NT5C1B: variants seen among roughly 807,000 people sequenced by gnomAD.
NT5C1B encodes the protein cytosolic 5'-nucleotidase 1B.
In NT5C1B, 44 loss-of-function variants were observed where a neutral mutation model predicts 57.8. The observed-to-expected ratio is 0.76, with a 90% CI of 0.60 to 0.98. NT5C1B has a LOEUF of 0.98. NT5C1B is among the 50% of genes least tolerant of loss of function. NT5C1B has a pLI of 0.00. For synonymous variants in NT5C1B, 284 were observed against 282.6 expected, an observed-to-expected ratio of 1.00 and a Z score of -0.05; for missense variants, 742 against 719.5, an observed-to-expected ratio of 1.03 and a Z score of -0.36.
chr2:18,583,146 A>G, intron 5 of NT5C1B, 149 bp from the exon 6 acceptor site: 2 of 1,077,108 alleles, frequency 1.9e-6, no homozygotes, highest in Non-Finnish European at 2.5e-6. Context: ...GATTTATCCC[A>G]TGCATTTCTG....
intron 8 of NT5C1B, among the ~76,000 whole-genome samples, chr2:18,571,137 C>T (rs1665113515): frequency 6.6e-6 from 1 of 152,164 alleles, no homozygotes. Flanking sequence ...AGGGTGTCCA[C>T]CCTCATCACT....
Position 18,587,528 on chromosome 2 carries a change from T to A in NT5C1B, c.95A>T (p.Lys32Ile). Residue 32 changes from lysine (K) to isoleucine (I), a missense_variant, in exon 2 of 9, where the codon AAA (lysine) becomes ATA (isoleucine). Physicochemically the swap from Lys to Ile is moderately radical, Grantham distance 102. Coordinates refer to ENST00000304081, the Ensembl canonical transcript of NT5C1B. The stretch of plus-strand genomic sequence containing the variant: ...CTGATTGCTCAGACGAACTCCTGTT[T>A]TGTCAGATTCCTTTCTTTTTTCTGC... 3 of 1,614,024 alleles carry A rather than the reference T, an allele frequency of 1.9e-6. No homozygotes were observed. The South Asian group carries it at 3.3e-5, about 18-fold the overall frequency.
intron 8 of NT5C1B, among the ~76,000 whole-genome samples, chr2:18,568,723 A>G (rs1264048718): frequency 1.3e-5 from 2 of 152,188 alleles, no homozygotes; most frequent in African/African-American, 4.8e-5. Context: ...AGTCACCCCT[A>G]TGCTCACTGA....
intron 6 of NT5C1B, among the ~76,000 whole-genome samples, chr2:18,581,856 C>T (rs1341294638): frequency 1.3e-5 from 2 of 152,164 alleles, no homozygotes; most frequent in Admixed American, 6.5e-5. Context: ...ACTAACTCTT[C>T]TGGGTCAAAA....
At position 18,584,829 on chromosome 2, in the gene NT5C1B, G is replaced by A. The variant is rs1572378745; in HGVS notation, c.408C>T (p.Pro136=). The stretch of plus-strand genomic sequence containing the variant: ...GCCGGGAGCCAGGATCGGGCTCTGG[G>A]GGCGTGGGAGGCCGCGAGTCCAGCG... The change falls in exon 4 of 9, where the codon CCC becomes CCT. Residue 136 remains proline, a synonymous_variant. Coordinates refer to ENST00000304081, the Ensembl canonical transcript of NT5C1B. This position sits in a 1 kb window ranked among gnomAD's most constrained non-coding sequence, Gnocchi z 5.8. 6.2e-7 allele frequency: 1 copy of A among 1,611,524 alleles called. No homozygotes were observed.
rs114828778 is a variant in NT5C1B, at chr2:18,583,670, C to A, written c.891+418G>T. 1.8e-3 allele frequency: 644 copies of A among 364,410 alleles called. 4 individuals are homozygous for A. The highest frequency in any genetic ancestry group is 0.013 in the African/African-American group (598 of 47,068). 22.6% of individuals were successfully genotyped at this position (364,410 alleles called of 1,614,324 possible). ...TACCTTCTCTATTAAAGTCACACTCCTAAGTGCCAAGGGCATCTTTATTTT... is the reference window on the plus strand; with the variant it reads ...TACCTTCTCTATTAAAGTCACACTCATAAGTGCCAAGGGCATCTTTATTTT... On this transcript the variant is annotated intron_variant, in intron 5 of 8. Transcript: ENST00000304081.
At chr2:18,579,359 TG>T (rs1665980640) in intron 6 of NT5C1B, among the ~76,000 whole-genome samples, 1 of 152,208 alleles carries the variant, frequency 6.6e-6, no homozygotes, top group East Asian at 1.9e-4. Context: ...AGAACAAAGC[TG>T]GAAGTATTAT....
Position 18,584,658 on chromosome 2 carries a change from G to A in NT5C1B, c.579C>T (p.Tyr193=). The A allele has an allele frequency of 6.2e-7, 1 of 1,613,158 alleles. No individual in the cohort carries two copies. Among genetic ancestry groups the A allele is most frequent in the South Asian group, 1.1e-5 (1 of 90,928 alleles). Reference sequence around the variant, plus strand: ...TGCGGTCCAGCTGGGTGGAGGCGGGGTAGATCCCCCTGCGCTGGCTGGAGG... The same window carrying A: ...TGCGGTCCAGCTGGGTGGAGGCGGGATAGATCCCCCTGCGCTGGCTGGAGG... Residue 193 remains tyrosine, a synonymous_variant, in exon 4 of 9, where the codon TAC becomes TAT. Coordinates refer to ENST00000304081, the Ensembl canonical transcript of NT5C1B. This position sits in a 1 kb window ranked among gnomAD's most constrained non-coding sequence, Gnocchi z 5.8.
chr2:18,579,661 A>G (rs1300034677), intron 6 of NT5C1B, among the ~76,000 whole-genome samples: 1 of 152,160 alleles, frequency 6.6e-6, no homozygotes, highest in African/African-American at 2.4e-5. Context: ...AAAGACTTAA[A>G]CATAAAACTC....
chr2:18,576,086 GAAT>G, intron 8 of NT5C1B, 95 bp downstream of exon 8: 1 of 1,308,774 alleles, frequency 7.6e-7, no homozygotes, highest in Non-Finnish European at 1.0e-6. Flanking sequence ...GCCCTGCCTA[GAAT>G]AACTTAAACA....
chr2:18,584,496 G>A lies in NT5C1B; in HGVS notation c.723+18C>T. On this transcript the variant is annotated intron_variant, in intron 4 of 8. Coordinates refer to ENST00000304081, the Ensembl canonical transcript of NT5C1B. The surrounding 1 kb of genome is among the most constrained non-coding windows in gnomAD (Gnocchi z 5.8). ...AAGGAAGGGCGCCCCGGCTGCCAGG[G>A]GCGGCGGGCTGGCTCACCGGCCAGG... The A allele has an allele frequency of 6.2e-7, 1 of 1,601,782 alleles. No individual in the cohort carries two copies. Among genetic ancestry groups the A allele is most frequent in the Non-Finnish European group, 8.5e-7 (1 of 1,174,962 alleles).
rs1404578635 is a variant in NT5C1B at position 18,584,231 on chromosome 2, T to C, written c.748A>G (p.Ile250Val). 6 of 1,613,874 alleles carry C rather than the reference T, an allele frequency of 3.7e-6. No homozygotes were observed. Among genetic ancestry groups the C allele is most frequent in the Non-Finnish European group, 5.1e-6 (6 of 1,179,926 alleles). ...AAGAGCGCGCAGGATGAGAGAGCAA[T>C]GGTGATGGCGTTCTTGGGTTTGGGC... The change falls in exon 5 of 9, where the codon ATT becomes GTT. Residue 250 changes from isoleucine (I) to valine (V), a missense_variant. Transcript: ENST00000304081. This position sits in a 1 kb window ranked among gnomAD's most constrained non-coding sequence, Gnocchi z 5.8.
chr2:18,563,728 C>T (rs530187709), exon 9 of NT5C1B: 83 of 1,425,956 alleles, frequency 5.8e-5, no homozygotes, highest in Middle Eastern at 3.7e-4. Context: ...ATCTAATTAT[C>T]CTAGAGAGCC....
rs781642829 is a variant in NT5C1B at position 18,584,739 on chromosome 2, C to G, written c.498G>C (p.Gln166His). The change falls in exon 4 of 9, where the codon CAG (glutamine) becomes CAC (histidine). Residue 166 changes from glutamine (Q) to histidine (H), a missense_variant. Transcript: ENST00000304081. This position sits in a 1 kb window ranked among gnomAD's most constrained non-coding sequence, Gnocchi z 5.8. ...ATTCCAGCGGCTGCGAGTCCCGGGT[C>G]TGGCGGATTTCCCGCACGATGCCTT... 4 of 1,613,514 alleles carry G rather than the reference C, an allele frequency of 2.5e-6. No homozygotes were observed. Among genetic ancestry groups the G allele is most frequent in the Non-Finnish European group, 3.4e-6 (4 of 1,179,722 alleles).
chr2:18,569,280 A>G (rs1235824315), intron 8 of NT5C1B, among the ~76,000 whole-genome samples: 1 of 152,198 alleles, frequency 6.6e-6, no homozygotes, highest in Non-Finnish European at 1.5e-5. Context: ...GAACGTAAAA[A>G]CACACAATAA....
intron 6 of NT5C1B, among the ~76,000 whole-genome samples, chr2:18,580,100 G>A (rs370269643): frequency 1.5e-4 from 23 of 152,118 alleles, no homozygotes; most frequent in African/African-American, 5.1e-4. Flanking sequence ...ATCTCATACC[G>A]GTCAGAATGG....
chr2:18,576,104 T>G, intron 8 of NT5C1B, 80 bp downstream of exon 8: 1 of 1,392,646 alleles, frequency 7.2e-7, no homozygotes, highest in Non-Finnish European at 9.5e-7. Context: ...TAAACATTCA[T>G]CAGAATGGAC....
chr2:18,575,160 A>G (rs1347356617), intron 8 of NT5C1B, among the ~76,000 whole-genome samples: 2 of 152,058 alleles, frequency 1.3e-5, no homozygotes, highest in African/African-American at 4.8e-5. Context: ...CCACATTTCA[A>G]TAATGGTGAA....
At chr2:18,569,459 T>C (rs1664953905) in intron 8 of NT5C1B, among the ~76,000 whole-genome samples, 1 of 152,046 alleles carries the variant, frequency 6.6e-6, no homozygotes. Flanking sequence ...CCAGATTGTA[T>C]AAAATAGCAG....
Sources: gnomAD v4.1 joint callset for allele counts (sites outside exome capture counted in the v4.1 genomes callset) on GRCh38, gnomAD v4.1.1 for gene constraint, Gnocchi (gnomAD v3.1) non-coding constraint, MANE v1.5 for transcripts, NCBI Gene and HGNC (gene_info 2026-07-23, HGNC 2026-07-21) for gene names.